NRXN3: variants seen among roughly 807,000 people sequenced by gnomAD.
NRXN3 encodes the protein neurexin 3.
In NRXN3, 32 loss-of-function variants were observed where a neutral mutation model predicts 137.6. That is an observed-to-expected ratio of 0.23 (90% CI 0.18 to 0.31). NRXN3 has a LOEUF of 0.31. Among genes scored for constraint, NRXN3 ranks in the 10% least tolerant of loss-of-function variants. The pLI, the probability that NRXN3 is intolerant of heterozygous loss-of-function variation, is 1.00. For synonymous variants in NRXN3, 798 were observed against 784.5 expected (o/e 1.02, Z -0.29); for missense variants, 1,574 against 2,062.5 (o/e 0.76, Z 4.59).
Position 78,186,769 on chromosome 14 carries a change from G to A in NRXN3, c.-704+16095G>A, listed in dbSNP as rs193019413. 3.0e-4 allele frequency among the ~76,000 whole-genome samples: 46 copies of A among 152,206 alleles called. No homozygotes were observed. In the East Asian group the frequency reaches 8.1e-3, roughly 27 times the overall value. On this transcript the variant is annotated intron_variant, in intron 1 of 20. Coordinates refer to ENST00000335750, the MANE Select transcript of NRXN3 (RefSeq NM_001330195.2). Reference sequence around the variant, plus strand: ...TGGCTGAAAACTAAGCTGCAGTAGGGGAGATAAAAGGGACAGGATAGTGGT... The same window carrying A: ...TGGCTGAAAACTAAGCTGCAGTAGGAGAGATAAAAGGGACAGGATAGTGGT...
intron 16 of NRXN3, among the ~76,000 whole-genome samples, chr14:79,515,290 G>A (rs1336861209): frequency 1.3e-5 from 2 of 150,698 alleles, no homozygotes; most frequent in African/African-American, 2.5e-5. Context: ...CAGCTCTGGA[G>A]CTAAAATAGC....
intron 4 of NRXN3, among the ~76,000 whole-genome samples, chr14:78,510,734 C>T (rs933792427): frequency 1.3e-5 from 2 of 152,100 alleles, no homozygotes; most frequent in Non-Finnish European, 2.9e-5. Flanking sequence ...TTCCTGAAGA[C>T]CTATAAGGCT....
intron 8 of NRXN3, among the ~76,000 whole-genome samples, chr14:78,760,334 G>A (rs567990011): frequency 2.0e-5 from 3 of 151,068 alleles, no homozygotes; most frequent in African/African-American, 7.3e-5. Context: ...AAGCCACTGC[G>A]CCCCACCTGA....
chr14:79,731,418 T>C (rs2098922152), intron 19 of NRXN3, among the ~76,000 whole-genome samples: 2 of 152,198 alleles, frequency 1.3e-5, no homozygotes, highest in South Asian at 4.1e-4. Flanking sequence ...AATAAAACAT[T>C]CTATAAACCA....
intron 19 of NRXN3, among the ~76,000 whole-genome samples, chr14:79,774,943 T>C (rs983721543): frequency 1.3e-5 from 2 of 149,418 alleles, no homozygotes. Context: ...ATATATAGTA[T>C]GTGTGTGTGT....
intron 4 of NRXN3, among the ~76,000 whole-genome samples, chr14:78,319,542 A>G (rs913926767): frequency 6.6e-6 from 1 of 152,100 alleles, no homozygotes; most frequent in African/African-American, 2.4e-5. Context: ...TCAATAGGAA[A>G]CTCATGTGAC....
At position 79,017,141 on chromosome 14, in the gene NRXN3, C is replaced by T. The variant is rs542255366; in HGVS notation, c.3262+29000C>T. The stretch of plus-strand genomic sequence containing the variant: ...TGTTGATCCCTTTGGGGAATATAGG[C>T]GAGCAGATGACCCCATACATTGGCT... On this transcript the variant is annotated intron_variant, in intron 15 of 20. Transcript: ENST00000335750. 1.3e-4 allele frequency among the ~76,000 whole-genome samples: 20 copies of T among 151,984 alleles called. No homozygotes were observed. In the South Asian group the frequency reaches 2.5e-3, roughly 19 times the overall value.
chr14:79,381,676 G>C (rs1167184333), intron 15 of NRXN3, among the ~76,000 whole-genome samples: 4 of 152,114 alleles, frequency 2.6e-5, no homozygotes, highest in Non-Finnish European at 1.5e-5. Flanking sequence ...TTGTCCTGTG[G>C]TTTTTGTAAG....
intron 16 of NRXN3, among the ~76,000 whole-genome samples, chr14:79,601,239 C>T (rs1278243830): frequency 6.6e-6 from 1 of 151,932 alleles, no homozygotes; most frequent in Admixed American, 6.6e-5. Flanking sequence ...GACGGGGTTT[C>T]ACCATGTTGG....
intron 8 of NRXN3, among the ~76,000 whole-genome samples, chr14:78,751,855 C>A (rs995029747): frequency 6.6e-6 from 1 of 152,136 alleles, no homozygotes; most frequent in African/African-American, 2.4e-5. Context: ...CAGACCTATT[C>A]AATTGCATTT....
At chr14:79,078,048 G>A (rs978180444) in intron 15 of NRXN3, among the ~76,000 whole-genome samples, 2 of 151,976 alleles carry the variant, frequency 1.3e-5, no homozygotes, top group Admixed American at 6.6e-5. Flanking sequence ...TATTTATATT[G>A]GTTGAAATGG....
chr14:79,269,843 A>G (rs933643329), intron 15 of NRXN3, among the ~76,000 whole-genome samples: 2 of 152,202 alleles, frequency 1.3e-5, no homozygotes, highest in Non-Finnish European at 2.9e-5. Flanking sequence ...TAAAATTGTT[A>G]ATAAGTCTAC....
At chr14:78,246,172 G>A (rs1422067398) in intron 2 of NRXN3, among the ~76,000 whole-genome samples, 1 of 152,124 alleles carries the variant, frequency 6.6e-6, no homozygotes, top group Non-Finnish European at 1.5e-5. Context: ...TGTTTAAAAA[G>A]AACTCATTTC....
At chr14:79,123,595 CAAG>C (rs1434935392) in intron 15 of NRXN3, among the ~76,000 whole-genome samples, 1 of 152,088 alleles carries the variant, frequency 6.6e-6, no homozygotes, top group African/African-American at 2.4e-5. Context: ...TGTCCCCTCT[CAAG>C]GAGCTTAAAA....
intron 1 of NRXN3, among the ~76,000 whole-genome samples, chr14:78,188,508 C>A (rs1302967599): frequency 6.6e-6 from 1 of 152,172 alleles, no homozygotes; most frequent in East Asian, 1.9e-4. Context: ...GCTAGACAAC[C>A]ACTTTGGGGT....
intron 16 of NRXN3, among the ~76,000 whole-genome samples, chr14:79,602,940 C>A (rs1372685307): frequency 6.6e-6 from 1 of 152,110 alleles, no homozygotes; most frequent in South Asian, 2.1e-4. Flanking sequence ...AACTTTATTC[C>A]GTGGGCTGCT....
intron 4 of NRXN3, among the ~76,000 whole-genome samples, chr14:78,613,593 TTTTTTTTTTTC>T (rs900818278): frequency 3.3e-5 from 5 of 149,560 alleles, no homozygotes; most frequent in Non-Finnish European, 7.4e-5. Context: ...TTTTTTTTTT[TTTTTTTTTTTC>T]CCTTGGAAAG....
At chr14:79,029,863 T>A (rs2099604526) in intron 15 of NRXN3, among the ~76,000 whole-genome samples, 1 of 151,976 alleles carries the variant, frequency 6.6e-6, no homozygotes, top group South Asian at 2.1e-4. Flanking sequence ...TATTTATTTA[T>A]AAAACAGGGA....
chr14:78,704,774 T>C (rs1242110588), intron 6 of NRXN3, among the ~76,000 whole-genome samples: 1 of 152,168 alleles, frequency 6.6e-6, no homozygotes, highest in Non-Finnish European at 1.5e-5. Flanking sequence ...AAAATGGGGC[T>C]AATGCTACCT....
Sources: gnomAD v4.1 joint callset for allele counts (sites outside exome capture counted in the v4.1 genomes callset) on GRCh38, gnomAD v4.1.1 for gene constraint, MANE v1.5 for transcripts, NCBI Gene and HGNC (gene_info 2026-07-23, HGNC 2026-07-21) for gene names.